The following KCND3 variants were observed in gnomAD, a reference collection of about 807,000 sequenced individuals.
KCND3 encodes the protein A-type voltage-gated potassium channel KCND3.
Under a neutral mutation model 51.1 loss-of-function variants are expected in KCND3, and 9 were observed. The ratio of observed to expected loss-of-function variants is 0.18; its 90% CI spans 0.11 to 0.31. The LOEUF is 0.31. Ranked by LOEUF, KCND3 falls within the 10% of genes least tolerant of loss-of-function variation. KCND3 has a pLI of 1.00. For synonymous variants in KCND3, 349 were observed against 368.0 expected, an observed-to-expected ratio of 0.95 and a Z score of 0.59; for missense variants, 526 against 903.8, an observed-to-expected ratio of 0.58 and a Z score of 5.36.
Position 111,982,181 on chromosome 1 carries a change from G to A in KCND3, c.546C>T (p.Ala182=). 2 of 1,614,086 alleles carry A rather than the reference G, an allele frequency of 1.2e-6. No homozygotes were observed. Among genetic ancestry groups the A allele is most frequent in the South Asian group, 1.1e-5 (1 of 91,074 alleles). Residue 182 remains alanine (A), a synonymous_variant, in exon 2 of 8, where the codon GCC becomes GCT. Coordinates refer to ENST00000302127, the MANE Select transcript of KCND3 (RefSeq NM_001378969.1). This position sits in a 1 kb window ranked among gnomAD's most constrained non-coding sequence, Gnocchi z 8.5. ...AFENPHTSTL[A]LVFYYVTGFF... Reference sequence around the variant, plus strand: ...AGCCAGTCACGTAGTAGAAGACCAGGGCCAGCGTGCTGGTGTGGGGGTTCT... The same window carrying A: ...AGCCAGTCACGTAGTAGAAGACCAGAGCCAGCGTGCTGGTGTGGGGGTTCT...
chr1:111,831,134 G>T (rs1375522403), intron 2 of KCND3, among the ~76,000 whole-genome samples: 1 of 152,200 alleles, frequency 6.6e-6, no homozygotes, highest in Non-Finnish European at 1.5e-5. Context: ...CCTTTCATCT[G>T]TAGGGAAAGA....
chr1:111,984,658 T>C (rs1385766931), intron 1 of KCND3, among the ~76,000 whole-genome samples: 1 of 152,186 alleles, frequency 6.6e-6, no homozygotes, highest in African/African-American at 2.4e-5. Context: ...TGGCCTGGCA[T>C]TCCAGAATTC....
At chr1:111,878,487 A>C (rs1669158769) in intron 2 of KCND3, among the ~76,000 whole-genome samples, 1 of 151,614 alleles carries the variant, frequency 6.6e-6, no homozygotes, top group Non-Finnish European at 1.5e-5. Flanking sequence ...CCTTCTCCCC[A>C]CCCCTGGCTC....
chr1:111,901,995 G>T (rs1670405939), intron 2 of KCND3, among the ~76,000 whole-genome samples: 1 of 152,200 alleles, frequency 6.6e-6, no homozygotes, highest in Non-Finnish European at 1.5e-5. Flanking sequence ...CAACAAAGCT[G>T]AGTAAGATCC....
intron 2 of KCND3, among the ~76,000 whole-genome samples, chr1:111,815,745 CAT>C (rs1344436126): frequency 6.6e-6 from 1 of 151,942 alleles, no homozygotes; most frequent in Non-Finnish European, 1.5e-5. Context: ...TCCCGAATAA[CAT>C]ATATTTTTAC....
chr1:111,963,057 C>T (rs796216889), intron 2 of KCND3, among the ~76,000 whole-genome samples: 30 of 152,236 alleles, frequency 2.0e-4, no homozygotes, highest in African/African-American at 7.0e-4. Flanking sequence ...AGCAGGCCAC[C>T]AGATATGTGA....
intron 2 of KCND3, among the ~76,000 whole-genome samples, chr1:111,970,584 T>C (rs1036183584): frequency 1.3e-5 from 2 of 152,224 alleles, no homozygotes; most frequent in African/African-American, 4.8e-5. Context: ...TCTGACATTG[T>C]TGAGCCCAGA....
intron 2 of KCND3, among the ~76,000 whole-genome samples, chr1:111,969,978 T>C (rs771952510): frequency 3.6e-4 from 54 of 152,078 alleles, no homozygotes; most frequent in Admixed American, 5.9e-4. Context: ...GCTTTCTCTC[T>C]TTTTTTCATA....
intron 2 of KCND3, among the ~76,000 whole-genome samples, chr1:111,969,621 A>T (rs1018785642): frequency 2.0e-5 from 3 of 152,250 alleles, no homozygotes; most frequent in Non-Finnish European, 4.4e-5. Context: ...TAATAACATT[A>T]TAAAGACTCA....
At chr1:111,829,340 A>C (rs1172883919) in intron 2 of KCND3, among the ~76,000 whole-genome samples, 2 of 152,154 alleles carry the variant, frequency 1.3e-5, no homozygotes, top group Non-Finnish European at 2.9e-5. Context: ...AGACAGAAGA[A>C]ATGGGCTGGA....
At chr1:111,890,890 G>C (rs1034751026) in intron 2 of KCND3, among the ~76,000 whole-genome samples, 3 of 152,180 alleles carry the variant, frequency 2.0e-5, no homozygotes, top group Non-Finnish European at 4.4e-5. Flanking sequence ...TGAGAGGTGA[G>C]AAGTGACCAT....
chr1:111,820,263 C>T (rs1666286940), intron 2 of KCND3, among the ~76,000 whole-genome samples: 2 of 152,164 alleles, frequency 1.3e-5, no homozygotes, highest in South Asian at 4.1e-4. Context: ...GCTGGTTCTA[C>T]CTGTCAAAAT....
chr1:111,880,271 A>G (rs909315707), intron 2 of KCND3, among the ~76,000 whole-genome samples: 3 of 152,196 alleles, frequency 2.0e-5, no homozygotes, highest in Admixed American at 6.5e-5. Context: ...TTCCTGAGAC[A>G]TGGTCTTGGT....
chr1:111,815,890 C>A (rs564057861), intron 2 of KCND3, among the ~76,000 whole-genome samples: 7 of 152,152 alleles, frequency 4.6e-5, no homozygotes, highest in Non-Finnish European at 5.9e-5. Context: ...TGTTCCCCCC[C>A]CACACAAAAA....
At chr1:111,851,096 A>G (rs967609204) in intron 2 of KCND3, among the ~76,000 whole-genome samples, 3 of 152,108 alleles carry the variant, frequency 2.0e-5, no homozygotes, top group Non-Finnish European at 4.4e-5. Flanking sequence ...ACTCCTAATC[A>G]TCCTTCAAAA....
chr1:111,821,354 G>A (rs1458766112), intron 2 of KCND3, among the ~76,000 whole-genome samples: 3 of 152,174 alleles, frequency 2.0e-5, no homozygotes, highest in Admixed American at 6.5e-5. Flanking sequence ...GCTAGACAGC[G>A]TGGCACCTGG....
At position 111,778,762 on chromosome 1, in the gene KCND3, C is replaced by G. The variant is rs571708645; in HGVS notation, c.1462-270G>C. On this transcript the variant is annotated intron_variant, in intron 5 of 7. Coordinates refer to ENST00000302127, the MANE Select transcript of KCND3 (RefSeq NM_001378969.1). Reference sequence around the variant, plus strand: ...CATTCCACCCCTTAAGTCCAACATTCCTCCCCTAAAATCCAGCATTCCAGA... The same window carrying G: ...CATTCCACCCCTTAAGTCCAACATTGCTCCCCTAAAATCCAGCATTCCAGA... Among the ~76,000 whole-genome samples, 4 of 152,242 alleles carry G rather than the reference C, an allele frequency of 2.6e-5. No homozygotes were observed. In the South Asian group the frequency reaches 8.3e-4, roughly 32 times the overall value.
chr1:111,792,633 G>C (rs563301784), intron 2 of KCND3, among the ~76,000 whole-genome samples: 63 of 152,266 alleles, frequency 4.1e-4, no homozygotes, highest in African/African-American at 1.5e-3. Context: ...GGGTGACCTT[G>C]GCCATGATAC....
chr1:111,957,712 T>A (rs2101921788), intron 2 of KCND3, among the ~76,000 whole-genome samples: 1 of 152,342 alleles, frequency 6.6e-6, no homozygotes, highest in East Asian at 1.9e-4. Context: ...CTACTCTTTA[T>A]GGCAAACCAT....
Sources: gnomAD v4.1 joint callset for allele counts (sites outside exome capture counted in the v4.1 genomes callset) on GRCh38, gnomAD v4.1.1 for gene constraint, Gnocchi (gnomAD v3.1) non-coding constraint, MANE v1.5 for transcripts, NCBI Gene and HGNC (gene_info 2026-07-23, HGNC 2026-07-21) for gene names.